Variants in AGBL4 observed in about 807,000 individuals in gnomAD.
The protein encoded by AGBL4 is cytosolic carboxypeptidase 6.
AGBL4 carries 58 observed loss-of-function variants against 66.4 expected under a neutral mutation model. That is an observed-to-expected ratio of 0.87 (90% confidence interval 0.71 to 1.09). AGBL4 has a LOEUF of 1.09. Ranked by LOEUF, AGBL4 falls within the 50% of genes least tolerant of loss-of-function variation. The probability of loss-of-function intolerance (pLI) is 0.00; values close to 1 mark genes in which losing one functional copy is unlikely to be tolerated. For missense variants in AGBL4, 579 were observed against 631.0 expected, an observed-to-expected ratio of 0.92 and a Z score of 0.88; for synonymous variants, 234 against 222.9, an observed-to-expected ratio of 1.05 and a Z score of -0.44.
intron 3 of AGBL4, among the ~76,000 whole-genome samples, chr1:49,266,522 A>G (rs1352212839): frequency 6.6e-6 from 1 of 152,114 alleles, no homozygotes; most frequent in African/African-American, 2.4e-5. Flanking sequence ...ATAAACAGTT[A>G]TGGGTTTCCT....
intron 3 of AGBL4, among the ~76,000 whole-genome samples, chr1:49,360,736 A>G (rs1029844307): frequency 1.6e-4 from 24 of 152,198 alleles, no homozygotes; most frequent in African/African-American, 5.8e-4. Flanking sequence ...CATAGGTATT[A>G]TTTTTAAAAA....
chr1:49,399,283 G>T (rs1001615923), intron 3 of AGBL4, among the ~76,000 whole-genome samples: 1 of 152,094 alleles, frequency 6.6e-6, no homozygotes, highest in Admixed American at 6.6e-5. Flanking sequence ...CTTAGCTATT[G>T]TGAATAGTGC....
chr1:49,008,487 G>C (rs912187115), intron 5 of AGBL4, among the ~76,000 whole-genome samples: 3 of 147,404 alleles, frequency 2.0e-5, no homozygotes, highest in South Asian at 2.2e-4. Context: ...AAGTCAACAA[G>C]GATACCCAGG....
At chr1:49,985,356 T>G (rs1659413533) in intron 1 of AGBL4, among the ~76,000 whole-genome samples, 1 of 152,078 alleles carries the variant, frequency 6.6e-6, no homozygotes, top group South Asian at 2.1e-4. Flanking sequence ...TAGAGAGAGC[T>G]CAAGAAATAA....
At chr1:49,405,016 C>T (rs1334260155) in intron 3 of AGBL4, among the ~76,000 whole-genome samples, 2 of 152,192 alleles carry the variant, frequency 1.3e-5, no homozygotes, top group Non-Finnish European at 2.9e-5. Context: ...CTTTAGCCTT[C>T]AGATTCCACT....
At chr1:49,578,231 A>T (rs909413567) in intron 3 of AGBL4, among the ~76,000 whole-genome samples, 10 of 152,120 alleles carry the variant, frequency 6.6e-5, no homozygotes, top group Non-Finnish European at 4.4e-5. Context: ...TCAGTCTACT[A>T]CTCCACAATG....
In AGBL4 at chr1:49,782,279, G is replaced by A. The variant is rs140019356; in HGVS notation, c.157+69117C>T. ...TTAAAATTAAGAATAAAAAGATGAG[G>A]CATCACTAACAACCTTAAATAAAAA... is the stretch of plus-strand genomic sequence containing the variant. On this transcript the variant is annotated intron_variant, in intron 2 of 13. Transcript: ENST00000371839. Among the ~76,000 whole-genome samples, 43 of 151,830 alleles carry A rather than the reference G, an allele frequency of 2.8e-4. No homozygotes were observed. The East Asian group carries it at 7.6e-3, about 27-fold the overall frequency.
At chr1:49,496,070 C>T (rs1647533173) in intron 3 of AGBL4, among the ~76,000 whole-genome samples, 1 of 151,988 alleles carries the variant, frequency 6.6e-6, no homozygotes, top group Admixed American at 6.6e-5. Flanking sequence ...AGACTGCAGG[C>T]AAGGCCAAGA....
chr1:48,614,153 T>G (rs1645283064), intron 9 of AGBL4, among the ~76,000 whole-genome samples: 1 of 152,168 alleles, frequency 6.6e-6, no homozygotes, highest in African/African-American at 2.4e-5. Flanking sequence ...AGAATTGAGG[T>G]TTATTTCTTA....
At chr1:48,592,952 G>A (rs1569924595) in intron 9 of AGBL4, among the ~76,000 whole-genome samples, 1 of 152,162 alleles carries the variant, frequency 6.6e-6, no homozygotes, top group East Asian at 1.9e-4. Context: ...CCATATAGGT[G>A]TGGCTTCCAC....
In AGBL4 at chr1:49,286,038, C is replaced by G. The variant is rs369471545; in HGVS notation, c.283-40174G>C. Among the ~76,000 whole-genome samples, 405 of 152,248 alleles carry G rather than the reference C, an allele frequency of 2.7e-3. 1 individual carries two copies. The highest frequency in any genetic ancestry group is 8.4e-3 in the African/African-American group (350 of 41,562). ...CATGATCAAGTGGGCTTCATCCCTG[C>G]GATGCAAGGCTGGTTCAATATACAC... On this transcript the variant is annotated intron_variant, in intron 3 of 13. Transcript: ENST00000371839.
At position 48,539,679 on chromosome 1, in the gene AGBL4, C is replaced by T. The variant is rs60977321; in HGVS notation, c.1327G>A (p.Val443Met). The T allele has an allele frequency of 0.011, 17,310 of 1,543,826 alleles. 1,587 individuals carry two copies. The African/African-American group carries it at 0.2, about 18-fold the overall frequency. Residue 443 changes from valine to methionine, a missense_variant, in exon 12 of 14, where the codon GTG becomes ATG. Val to Met is a conservative substitution (Grantham distance 21, BLOSUM62 1). Transcript: ENST00000371839. ...TFLDYYRLNP[V>M]VEKVAIPMPR... Reference sequence around the variant, plus strand: ...ATGGGAATTGCCACCTTTTCAACCACGGGGTTCAGCCGATAATAGTCCAAA... The same window carrying T: ...ATGGGAATTGCCACCTTTTCAACCATGGGGTTCAGCCGATAATAGTCCAAA...
At chr1:48,654,946 C>T (rs375675936) in intron 7 of AGBL4, among the ~76,000 whole-genome samples, 1 of 152,214 alleles carries the variant, frequency 6.6e-6, no homozygotes, top group African/African-American at 2.4e-5. Flanking sequence ...TTGTTAGGGG[C>T]TAATAATTGC....
chr1:49,213,733 C>T (rs1346372715), intron 4 of AGBL4, among the ~76,000 whole-genome samples: 1 of 152,082 alleles, frequency 6.6e-6, no homozygotes, highest in East Asian at 1.9e-4. Context: ...AACTCAAGCT[C>T]CTTGGTGCTC....
chr1:49,230,282 C>T (rs1403469912), intron 4 of AGBL4, among the ~76,000 whole-genome samples: 1 of 152,164 alleles, frequency 6.6e-6, no homozygotes, highest in African/African-American at 2.4e-5. Flanking sequence ...AAGGTCTCTC[C>T]AAAATCTGAA....
At position 48,852,015 on chromosome 1, in the gene AGBL4, C is replaced by CTTT. The variant is rs138826187; in HGVS notation, c.634+15173_634+15175dup. Among the ~76,000 whole-genome samples, 39 of 71,924 alleles carry CTTT rather than the reference C, an allele frequency of 5.4e-4. No individual in the cohort carries two copies. The South Asian group carries it at 9.2e-3, about 17-fold the overall frequency. The allele number at this position is 71,924 out of a possible 152,430, so 47.2% of individuals were successfully genotyped here. A position where few individuals can be genotyped will look rare whatever the true frequency, so the allele number is the denominator to read the frequency against. On this transcript the variant is annotated intron_variant, in intron 6 of 13. Transcript: ENST00000371839. ...GGTTCTGGTATGTGCCAGATACGTACTTTTTTTTTTTTTTTTTTTTTTTTC... is the reference window on the plus strand; with the variant it reads ...GGTTCTGGTATGTGCCAGATACGTACTTTTTTTTTTTTTTTTTTTTTTTTTTTC...
intron 3 of AGBL4, among the ~76,000 whole-genome samples, chr1:49,306,364 C>T (rs1406398154): frequency 6.6e-6 from 1 of 152,084 alleles, no homozygotes; most frequent in Non-Finnish European, 1.5e-5. Context: ...GATATCAGTC[C>T]TAAAATTTGG....
intron 3 of AGBL4, among the ~76,000 whole-genome samples, chr1:49,341,716 AG>A (rs1645542873): frequency 6.6e-6 from 1 of 152,174 alleles, no homozygotes; most frequent in African/African-American, 2.4e-5. Context: ...TCTCTCCCAA[AG>A]GGGGAAATTT....
chr1:49,740,211 C>G (rs909209803), intron 2 of AGBL4, among the ~76,000 whole-genome samples: 7 of 151,952 alleles, frequency 4.6e-5, no homozygotes, highest in African/African-American at 7.3e-5. Context: ...GAAGATCTAC[C>G]AAGCAAATGG....
Sources: allele counts gnomAD v4.1 joint callset (sites outside exome capture counted in the v4.1 genomes callset), GRCh38; gene constraint gnomAD v4.1.1; transcripts MANE v1.5; gene names NCBI Gene and HGNC (gene_info 2026-07-23, HGNC 2026-07-21).